The following AACS variants were observed in gnomAD, a reference collection of about 807,000 sequenced individuals.
The protein encoded by AACS is acetoacetyl-CoA synthetase.
In AACS, 69 loss-of-function variants were observed where a neutral mutation model predicts 83.1. That is an observed-to-expected ratio of 0.83 (90% confidence interval 0.68 to 1.01). AACS has a LOEUF of 1.01. Among genes scored for constraint, AACS ranks in the 50% least tolerant of loss-of-function variants. The pLI is 0.00. For missense variants in AACS, 866 were observed against 882.2 expected (o/e 0.98, Z 0.23); for synonymous variants, 333 against 343.4 (o/e 0.97, Z 0.33).
In AACS at chr12:125,142,783, T is replaced by C. The variant is rs950915607; in HGVS notation, c.*554T>C. On this transcript the variant is annotated 3_prime_UTR_variant, in exon 18 of 18. Transcript: ENST00000316519. Reference sequence around the variant, plus strand: ...ACGTGTGTCTGTGTCATGGATGCAATGCAGGCCCTGGAGGACTGTGCGTCA... The same window carrying C: ...ACGTGTGTCTGTGTCATGGATGCAACGCAGGCCCTGGAGGACTGTGCGTCA... 1 of 153,576 alleles carries C rather than the reference T, an allele frequency of 6.5e-6. No individual in the cohort carries two copies. The highest frequency in any genetic ancestry group is 1.4e-5 in the Non-Finnish European group (1 of 68,986). 9.5% of individuals were successfully genotyped at this position (153,576 alleles called of 1,614,324 possible).
intron 9 of AACS, among the ~76,000 whole-genome samples, chr12:125,116,618 C>T (rs886614267): frequency 2.0e-5 from 3 of 152,252 alleles, no homozygotes; most frequent in Admixed American, 6.5e-5. Context: ...CGCCCGCCCC[C>T]ACGCCTGGCT....
At chr12:125,118,349 T>A (rs1957093077) in intron 9 of AACS, 1 of 375,390 alleles carries the variant, frequency 2.7e-6, no homozygotes, top group Non-Finnish European at 5.1e-6. Context: ...AGTGTGCACC[T>A]CCTGTGGCCT....
At chr12:125,132,725 C>T (rs1319289582) in intron 14 of AACS, among the ~76,000 whole-genome samples, 1 of 152,178 alleles carries the variant, frequency 6.6e-6, no homozygotes, top group African/African-American at 2.4e-5. Flanking sequence ...TAGCTTTGGG[C>T]TCATTTCATT....
chr12:125,114,267 G>A (rs1399697773), intron 8 of AACS, among the ~76,000 whole-genome samples: 3 of 151,866 alleles, frequency 2.0e-5, no homozygotes, highest in Admixed American at 1.3e-4. Context: ...TACAAGCCAC[G>A]CTCAGCTCTT....
chr12:125,076,574 G>T lies in AACS; in HGVS notation c.321G>T (p.Arg107=). 6.2e-7 allele frequency: 1 copy of T among 1,614,140 alleles called. No homozygotes were observed. Among genetic ancestry groups the T allele is most frequent in the Non-Finnish European group, 8.5e-7 (1 of 1,179,998 alleles). ...TCAACTATGCAGAAAACCTCCTGCGGCACAAAGAGAATGACAGAGTTGCCC... is the reference window on the plus strand; with the variant it reads ...TCAACTATGCAGAAAACCTCCTGCGTCACAAAGAGAATGACAGAGTTGCCC... The part of the protein sequence containing the change: ...SRLNYAENLL[R]HKENDRVALY... The change falls in exon 3 of 18, where the codon CGG becomes CGT. Residue 107 remains arginine (R), a synonymous_variant. Transcript: ENST00000316519.
At position 125,076,551 on chromosome 12, in the gene AACS, AACT is replaced by A; in HGVS notation, c.300_302del (p.Tyr101del). 1 of 1,614,190 alleles carries A rather than the reference AACT, an allele frequency of 6.2e-7. No individual in the cohort carries two copies. The highest frequency in any genetic ancestry group is 8.5e-7 in the Non-Finnish European group (1 of 1,180,026). On this transcript the variant is annotated inframe_deletion, in exon 3 of 18. Coordinates refer to ENST00000316519, the MANE Select transcript of AACS (RefSeq NM_023928.5). ...CGAGTGGTTCAAAGGCAGTCGGCTC[AACT>A]ATGCAGAAAACCTCCTGCGGCACAA...
chr12:125,113,965 G>A lies in AACS; in HGVS notation c.916-512G>A, dbSNP rs945004031. Among the ~76,000 whole-genome samples the A allele has an allele frequency of 1.3e-5, 2 of 152,122 alleles. No homozygotes were observed. The highest frequency in any genetic ancestry group is 2.9e-5 in the Non-Finnish European group (2 of 68,024). ...AGGGTCTTGTGCTGTCCCCTCAGCT[G>A]AGGCATTCCTGAAATCCGATCTTGA... On this transcript the variant is annotated intron_variant, in intron 8 of 17. Coordinates refer to ENST00000316519, the MANE Select transcript of AACS (RefSeq NM_023928.5). The surrounding 1 kb of genome is among the most constrained non-coding windows in gnomAD (Gnocchi z 4.8).
chr12:125,142,048 C>A (rs775630586), intron 17 of AACS, 44 bp from the exon 18 acceptor site: 28 of 1,610,230 alleles, frequency 1.7e-5, no homozygotes, highest in East Asian at 2.2e-5. Flanking sequence ...GATTTTCCCC[C>A]CTTCAGGTTT....
rs138682505 is a variant in AACS, at chr12:125,088,663, A to G, written c.472+2220A>G. 2.3e-4 allele frequency among the ~76,000 whole-genome samples: 35 copies of G among 152,196 alleles called. No homozygotes were observed. In the East Asian group the frequency reaches 6.6e-3, roughly 29 times the overall value. ...TCCCCAGTTTTTTTCTTCCCTCCCA[A>G]TTCTCATTTAAAAAAATCTTTTGAA... is the stretch of plus-strand genomic sequence containing the variant. On this transcript the variant is annotated intron_variant, in intron 4 of 17. Transcript: ENST00000316519.
In AACS at chr12:125,142,252, T is replaced by TC; in HGVS notation, c.*24dup. The TC allele has an allele frequency of 6.2e-7, 1 of 1,612,732 alleles. No individual in the cohort carries two copies. The highest frequency in any genetic ancestry group is 8.5e-7 in the Non-Finnish European group (1 of 1,179,028). On this transcript the variant is annotated 3_prime_UTR_variant, in exon 18 of 18. Coordinates refer to ENST00000316519, the MANE Select transcript of AACS (RefSeq NM_023928.5). The stretch of plus-strand genomic sequence containing the variant: ...TGAGTCAGACTGGCTGGCGTGTCAC[T>TC]CAGCCGCACCCGTGTGCACTGTAAC...
At position 125,130,449 on chromosome 12, in the gene AACS, T is replaced by A. The variant is rs542972692; in HGVS notation, c.1549+989T>A. 6.6e-6 allele frequency among the ~76,000 whole-genome samples: 1 copy of A among 152,178 alleles called. No individual in the cohort carries two copies. The highest frequency in any genetic ancestry group is 1.5e-5 in the Non-Finnish European group (1 of 68,028). On this transcript the variant is annotated intron_variant, in intron 14 of 17. Transcript: ENST00000316519. The surrounding 1 kb of genome is among the most constrained non-coding windows in gnomAD (Gnocchi z 4.9). ...TAGAGAAACACTCATCAGATGACCC[T>A]GAAGAGGAGGGTAGGGCCTCCTGCC...
In AACS at chr12:125,076,615, A is replaced by G; in HGVS notation, c.358+4A>G. ...AGAGTTGCCCTTTACATTGCAAGTA[A>G]GTCCTGATGGCGAGACCTGGGATTT... On this transcript the variant is annotated splice_donor_region_variant and intron_variant, in intron 3 of 17. Coordinates refer to ENST00000316519, the MANE Select transcript of AACS (RefSeq NM_023928.5). 1 of 1,613,962 alleles carries G rather than the reference A, an allele frequency of 6.2e-7. No homozygotes were observed. Among genetic ancestry groups the G allele is most frequent in the South Asian group, 1.1e-5 (1 of 91,078 alleles).
chr12:125,078,884 A>C (rs1281408636), intron 3 of AACS, among the ~76,000 whole-genome samples: 1 of 150,112 alleles, frequency 6.7e-6, no homozygotes, highest in African/African-American at 2.5e-5. Context: ...GCCCTGGGAG[A>C]CGCTGATGTT....
At chr12:125,108,271 A>G (rs1452356581) in intron 8 of AACS, among the ~76,000 whole-genome samples, 1 of 152,226 alleles carries the variant, frequency 6.6e-6, no homozygotes, top group Non-Finnish European at 1.5e-5. Context: ...AAGGTGCCGC[A>G]CAGTTGCTCT....
chr12:125,118,839 G>A, intron 10 of AACS, 74 bp downstream of exon 10: 2 of 1,575,830 alleles, frequency 1.3e-6, no homozygotes, highest in Non-Finnish European at 1.7e-6. Flanking sequence ...CAGATGCAGA[G>A]CTGTGCCTGC....
In AACS at chr12:125,106,217, T is replaced by C. The variant is rs149938828; in HGVS notation, c.768-904T>C. 7.5e-4 allele frequency among the ~76,000 whole-genome samples: 114 copies of C among 152,338 alleles called. 1 individual carries two copies. The highest frequency in any genetic ancestry group is 2.6e-3 in the African/African-American group (108 of 41,580). On this transcript the variant is annotated intron_variant, in intron 7 of 17. Transcript: ENST00000316519. ...AGAAAGTCCATTTGTCAGTTGAGTA[T>C]AGGGCCAATGTTTTGAGATGGATGT...
Position 125,094,947 on chromosome 12 carries a change from G to A in AACS, c.570+3424G>A, listed in dbSNP as rs1222435154. On this transcript the variant is annotated intron_variant, in intron 5 of 17. Transcript: ENST00000316519. This position sits in a 1 kb window ranked among gnomAD's most constrained non-coding sequence, Gnocchi z 4.1. ...AGAGAGCCCAGCCTGTAGCCTGCAGGCCTTGTCCTCCTGAAGTGCCATCAG... is the reference window on the plus strand; with the variant it reads ...AGAGAGCCCAGCCTGTAGCCTGCAGACCTTGTCCTCCTGAAGTGCCATCAG... 6.6e-6 allele frequency among the ~76,000 whole-genome samples: 1 copy of A among 151,880 alleles called. No individual in the cohort carries two copies. Among genetic ancestry groups the A allele is most frequent in the East Asian group, 1.9e-4 (1 of 5,180 alleles).
At chr12:125,115,619 G>T (rs1333287602) in intron 9 of AACS, among the ~76,000 whole-genome samples, 1 of 152,176 alleles carries the variant, frequency 6.6e-6, no homozygotes, top group East Asian at 1.9e-4. Context: ...TGAGGTCAAT[G>T]CCCAGGGCCC....
At chr12:125,086,503 G>A (rs370153359) in intron 4 of AACS, 60 bp downstream of exon 4, 10 of 1,498,256 alleles carry the variant, frequency 6.7e-6, no homozygotes, top group Admixed American at 1.7e-5. Flanking sequence ...AATGGGTGAT[G>A]TGAAGGTCAA....
Sources: allele counts gnomAD v4.1 joint callset (sites outside exome capture counted in the v4.1 genomes callset), GRCh38; gene constraint gnomAD v4.1.1; non-coding constraint Gnocchi (gnomAD v3.1); transcripts MANE v1.5; gene names NCBI Gene and HGNC (gene_info 2026-07-23, HGNC 2026-07-21).